The following SDK1 variants were observed in gnomAD, a reference collection of about 807,000 sequenced individuals.
SDK1 encodes the protein sidekick cell adhesion molecule 1, also known as protein sidekick-1.
A neutral mutation model predicts 245.5 loss-of-function variants in SDK1; 157 were observed. The ratio of observed to expected loss-of-function variants is 0.64; its 90% CI spans 0.56 to 0.73. The LOEUF is 0.73. Among genes scored for constraint, SDK1 ranks in the 30% least tolerant of loss-of-function variants. SDK1 has a pLI of 0.00. For missense variants in SDK1, 3,583 were observed against 3,002.3 expected, an observed-to-expected ratio of 1.19 and a Z score of -4.52; for synonymous variants, 1,647 against 1,278.5, an observed-to-expected ratio of 1.29 and a Z score of -6.15.
chr7:3,723,974 AGAGAAAG>A (rs1778929198), intron 4 of SDK1, among the ~76,000 whole-genome samples: 1 of 148,918 alleles, frequency 6.7e-6, no homozygotes, highest in African/African-American at 2.5e-5. Flanking sequence ...AGAGAGAGAG[AGAGAAAG>A]AGAGAGAGAG....
chr7:3,341,255 A>G (rs1780340835), intron 1 of SDK1, among the ~76,000 whole-genome samples: 1 of 152,220 alleles, frequency 6.6e-6, no homozygotes, highest in Non-Finnish European at 1.5e-5. Context: ...AGACCAAAGA[A>G]AAATCAGCAT....
chr7:3,555,977 A>G (rs1779574995), intron 1 of SDK1, among the ~76,000 whole-genome samples: 1 of 152,222 alleles, frequency 6.6e-6, no homozygotes, highest in Non-Finnish European at 1.5e-5. Flanking sequence ...GGGAATGTAA[A>G]TTAGGGAAAC....
chr7:3,635,611 G>T (rs944351747), intron 2 of SDK1, among the ~76,000 whole-genome samples: 2 of 152,240 alleles, frequency 1.3e-5, no homozygotes, highest in African/African-American at 2.4e-5. Flanking sequence ...TTGTGGACAA[G>T]TATTACTGGA....
intron 40 of SDK1, among the ~76,000 whole-genome samples, chr7:4,226,261 A>G (rs972358344): frequency 1.3e-5 from 2 of 152,180 alleles, no homozygotes; most frequent in African/African-American, 2.4e-5. Flanking sequence ...ACCGCTGGGT[A>G]TCTGGGAGAC....
At chr7:3,857,672 G>A (rs756117850) in intron 5 of SDK1, among the ~76,000 whole-genome samples, 43 of 145,914 alleles carry the variant, frequency 2.9e-4, no homozygotes, top group South Asian at 6.6e-4. Context: ...GGCCGACAGA[G>A]TAAGACCCTG....
chr7:3,581,437 C>G (rs1562578825), intron 1 of SDK1, among the ~76,000 whole-genome samples: 1 of 152,162 alleles, frequency 6.6e-6, no homozygotes, highest in South Asian at 2.1e-4. Flanking sequence ...CAAATCAAAA[C>G]TACAATGAGA....
chr7:3,857,105 T>C (rs925576062), intron 5 of SDK1, among the ~76,000 whole-genome samples: 64 of 152,136 alleles, frequency 4.2e-4, no homozygotes, highest in African/African-American at 1.3e-3. Flanking sequence ...TTACTCTTAG[T>C]CACCTGGGTA....
intron 32 of SDK1, among the ~76,000 whole-genome samples, chr7:4,170,379 C>G (rs1781761745): frequency 1.3e-5 from 2 of 151,948 alleles, no homozygotes; most frequent in African/African-American, 4.8e-5. Flanking sequence ...CCCAGGAGGT[C>G]GAGGCTGCAG....
chr7:3,441,791 A>G (rs1282736330), intron 1 of SDK1, among the ~76,000 whole-genome samples: 3 of 152,226 alleles, frequency 2.0e-5, no homozygotes, highest in African/African-American at 7.2e-5. Flanking sequence ...TGAGTCTCTC[A>G]CATGTAAAAC....
At chr7:3,433,978 A>G (rs1015634551) in intron 1 of SDK1, among the ~76,000 whole-genome samples, 1 of 152,188 alleles carries the variant, frequency 6.6e-6, no homozygotes, top group Admixed American at 6.5e-5. Flanking sequence ...GCAATGCATT[A>G]AGAAGGAAGT....
chr7:3,374,661 C>T (rs375880739), intron 1 of SDK1, among the ~76,000 whole-genome samples: 1 of 152,038 alleles, frequency 6.6e-6, no homozygotes, highest in Non-Finnish European at 1.5e-5. Flanking sequence ...ATTCTGTTCC[C>T]TCTGCCTAGA....
At chr7:3,909,617 G>A (rs954130448) in intron 5 of SDK1, among the ~76,000 whole-genome samples, 6 of 152,242 alleles carry the variant, frequency 3.9e-5, no homozygotes, top group Non-Finnish European at 8.8e-5. Flanking sequence ...TCACATGTGT[G>A]TCCGTGGAGC....
intron 22 of SDK1, among the ~76,000 whole-genome samples, chr7:4,105,314 G>C (rs1258831581): frequency 6.7e-6 from 1 of 149,378 alleles, no homozygotes; most frequent in East Asian, 2.0e-4. Flanking sequence ...TTGTTTGTTC[G>C]TTTGTTTGTT....
At chr7:4,095,094 A>ATCCTCAGCTCCTCCATATCTGAGGTCT (rs543997333) in intron 22 of SDK1, among the ~76,000 whole-genome samples, 320 of 152,156 alleles carry the variant, frequency 2.1e-3, no homozygotes, top group Non-Finnish European at 3.0e-3. Flanking sequence ...TCAGAGTTCC[A>ATCCTCAGCTCCTCCATATCTGAGGTCT]TCCTCAGCTC....
intron 14 of SDK1, among the ~76,000 whole-genome samples, chr7:3,989,592 C>G (rs1288320847): frequency 6.6e-6 from 1 of 152,118 alleles, no homozygotes; most frequent in African/African-American, 2.4e-5. Flanking sequence ...TAAACGGGTC[C>G]CTGTTTTCAG....
chr7:4,067,023 A>C (rs1463416456), intron 19 of SDK1, among the ~76,000 whole-genome samples: 1 of 152,162 alleles, frequency 6.6e-6, no homozygotes, highest in Non-Finnish European at 1.5e-5. Context: ...GCGGCTGATG[A>C]TCATGGAACA....
At chr7:3,866,788 C>A (rs1274539521) in intron 5 of SDK1, among the ~76,000 whole-genome samples, 1 of 152,192 alleles carries the variant, frequency 6.6e-6, no homozygotes, top group African/African-American at 2.4e-5. Flanking sequence ...GGGATACTGG[C>A]TGTGGAGGAA....
intron 4 of SDK1, among the ~76,000 whole-genome samples, chr7:3,751,144 G>C (rs941757178): frequency 3.2e-4 from 48 of 152,182 alleles, no homozygotes; most frequent in African/African-American, 1.1e-3. Flanking sequence ...GTGGCTACCA[G>C]CCTGAGGGCT....
chr7:3,563,008 C>G (rs536074338), intron 1 of SDK1, among the ~76,000 whole-genome samples: 1 of 150,620 alleles, frequency 6.6e-6, no homozygotes, highest in Non-Finnish European at 1.5e-5. Flanking sequence ...AAAATACATG[C>G]AAGTAACCCA....
Sources: gnomAD v4.1 joint callset for allele counts (sites outside exome capture counted in the v4.1 genomes callset) on GRCh38, gnomAD v4.1.1 for gene constraint, MANE v1.5 for transcripts, NCBI Gene and HGNC (gene_info 2026-07-23, HGNC 2026-07-21) for gene names.